MAP3K7CL: variants seen among roughly 807,000 people sequenced by gnomAD.
MAP3K7CL encodes MAP3K7 C-terminal like.
MAP3K7CL carries 16 observed loss-of-function variants against 18.6 expected under a neutral mutation model. The ratio of observed to expected loss-of-function variants is 0.86; its 90% CI spans 0.58 to 1.31. MAP3K7CL has a LOEUF of 1.31. Among genes scored for constraint, MAP3K7CL ranks in the 50% most tolerant of loss-of-function variants. The pLI is 0.00. For missense variants in MAP3K7CL, 163 were observed against 174.4 expected (o/e 0.93, Z 0.37); for synonymous variants, 65 against 66.8 (o/e 0.97, Z 0.13).
At chr21:29,169,846 T>A (rs1200471725) in intron 4 of MAP3K7CL, among the ~76,000 whole-genome samples, 1 of 152,206 alleles carries the variant, frequency 6.6e-6, no homozygotes, top group African/African-American at 2.4e-5. Context: ...TTTCCAGGCA[T>A]GTGGCTTAGG....
intron 4 of MAP3K7CL, among the ~76,000 whole-genome samples, chr21:29,118,463 G>T (rs1456028033): frequency 6.6e-6 from 1 of 151,974 alleles, no homozygotes; most frequent in East Asian, 2.0e-4. Context: ...CCTGCTAAGG[G>T]CAAGGCACTG....
chr21:29,165,775 T>C (rs1349513625), intron 4 of MAP3K7CL, among the ~76,000 whole-genome samples: 1 of 152,228 alleles, frequency 6.6e-6, no homozygotes, highest in East Asian at 1.9e-4. Flanking sequence ...TTTCACCATG[T>C]TGGCCAGGCT....
At chr21:29,094,093 A>G (rs1568931287) in intron 4 of MAP3K7CL, among the ~76,000 whole-genome samples, 1 of 152,232 alleles carries the variant, frequency 6.6e-6, no homozygotes, top group Non-Finnish European at 1.5e-5. Context: ...CTCTAGGGCA[A>G]TGGTTCTCAA....
chr21:29,113,009 A>G (rs1368650775), intron 4 of MAP3K7CL, among the ~76,000 whole-genome samples: 1 of 152,120 alleles, frequency 6.6e-6, no homozygotes, highest in Non-Finnish European at 1.5e-5. Context: ...GGGTTTTGCC[A>G]TGTTGGCCAG....
intron 4 of MAP3K7CL, among the ~76,000 whole-genome samples, chr21:29,114,392 A>AT (rs1419346681): frequency 1.3e-5 from 2 of 149,912 alleles, no homozygotes; most frequent in African/African-American, 4.9e-5. Flanking sequence ...ATATTTATTT[A>AT]TTTTTTATTT....
intron 2 of MAP3K7CL, among the ~76,000 whole-genome samples, chr21:29,147,203 T>C (rs2087147620): frequency 2.0e-5 from 3 of 152,128 alleles, no homozygotes; most frequent in Admixed American, 6.5e-5. Context: ...TGCATATGTG[T>C]ACTGTAAATG....
intron 4 of MAP3K7CL, among the ~76,000 whole-genome samples, chr21:29,173,728 A>G (rs978587633): frequency 2.0e-5 from 3 of 152,050 alleles, no homozygotes; most frequent in Admixed American, 1.3e-4. Flanking sequence ...TTGAGACAGG[A>G]TCTCACTCTT....
chr21:29,158,661 T>C (rs2087464296), intron 3 of MAP3K7CL, among the ~76,000 whole-genome samples: 1 of 152,164 alleles, frequency 6.6e-6, no homozygotes, highest in South Asian at 2.1e-4. Flanking sequence ...ATCTGTGTCC[T>C]TGAAGAATAT....
At chr21:29,104,771 G>A (rs1453040851) in intron 4 of MAP3K7CL, among the ~76,000 whole-genome samples, 7 of 152,144 alleles carry the variant, frequency 4.6e-5, no homozygotes, top group South Asian at 4.1e-4. Context: ...GAACCACAGC[G>A]TGTCCTTCGG....
intron 3 of MAP3K7CL, among the ~76,000 whole-genome samples, chr21:29,157,045 G>A (rs1457343291): frequency 6.6e-6 from 1 of 152,232 alleles, no homozygotes; most frequent in Non-Finnish European, 1.5e-5. Context: ...AACCCTGGTA[G>A]CACTGCTTAG....
chr21:29,133,793 C>G (rs527586020), intron 2 of MAP3K7CL, among the ~76,000 whole-genome samples: 10 of 152,194 alleles, frequency 6.6e-5, no homozygotes, highest in African/African-American at 2.4e-4. Flanking sequence ...TATCACTGTT[C>G]CGTTTACAGC....
chr21:29,152,460 A>G (rs181966339), intron 3 of MAP3K7CL, among the ~76,000 whole-genome samples: 2 of 152,254 alleles, frequency 1.3e-5, no homozygotes, highest in East Asian at 3.9e-4. Context: ...AATTTTATCG[A>G]CTATCATCAT....
chr21:29,096,895 A>G (rs1462102284), intron 4 of MAP3K7CL, among the ~76,000 whole-genome samples: 1 of 152,198 alleles, frequency 6.6e-6, no homozygotes, highest in Non-Finnish European at 1.5e-5. Context: ...GGGAAATGAC[A>G]GAGTATGATT....
At chr21:29,136,543 G>A (rs1329352110) in intron 2 of MAP3K7CL, among the ~76,000 whole-genome samples, 1 of 144,358 alleles carries the variant, frequency 6.9e-6, no homozygotes. Context: ...TTTTTTTTTT[G>A]AGACAGAGTC....
exon 2 of MAP3K7CL, chr21:29,091,542 C>A: frequency 1.4e-6 from 1 of 701,430 alleles, no homozygotes; most frequent in Non-Finnish European, 2.6e-6. Flanking sequence ...GTGGTGGAAT[C>A]ATGGCTCACT....
intron 4 of MAP3K7CL, among the ~76,000 whole-genome samples, chr21:29,167,849 G>A (rs1277806548): frequency 1.3e-5 from 2 of 151,934 alleles, no homozygotes; most frequent in African/African-American, 2.4e-5. Flanking sequence ...ACAGGCGCCC[G>A]CCACCATACC....
In MAP3K7CL at chr21:29,171,537, C is replaced by T. The variant is rs143432264; in HGVS notation, c.249-3175C>T. On this transcript the variant is annotated intron_variant, in intron 4 of 4. Coordinates refer to ENST00000399928, the MANE Select transcript of MAP3K7CL (RefSeq NM_001286620.2). ...AAAAGTAGTATAGAGAACTCCCAACCGGGCGTGGTGGTTCACGCCTGTAAT... is the reference window on the plus strand; with the variant it reads ...AAAAGTAGTATAGAGAACTCCCAACTGGGCGTGGTGGTTCACGCCTGTAAT... Among the ~76,000 whole-genome samples the T allele has an allele frequency of 3.5e-3, 539 of 152,238 alleles. 4 individuals are homozygous for T. Among genetic ancestry groups the T allele is most frequent in the African/African-American group, 0.012 (514 of 41,532 alleles).
intron 2 of MAP3K7CL, among the ~76,000 whole-genome samples, chr21:29,147,440 CTG>C (rs1303102966): frequency 4.0e-5 from 6 of 151,566 alleles, no homozygotes; most frequent in African/African-American, 9.7e-5. Flanking sequence ...GCATATGTAT[CTG>C]TATTGTATCT....
upstream of MAP3K7CL, among the ~76,000 whole-genome samples, chr21:29,126,543 T>G (rs931969055): frequency 6.6e-6 from 1 of 152,058 alleles, no homozygotes. Context: ...ACTGCAACCT[T>G]CACCTCCCGA....
Sources: allele counts gnomAD v4.1 joint callset (sites outside exome capture counted in the v4.1 genomes callset), GRCh38; gene constraint gnomAD v4.1.1; transcripts MANE v1.5; gene names NCBI Gene and HGNC (gene_info 2026-07-23, HGNC 2026-07-21).